Variants in GNAL observed in about 807,000 individuals in gnomAD.
GNAL encodes guanine nucleotide-binding protein G(olf) subunit alpha.
A neutral mutation model predicts 55.1 loss-of-function variants in GNAL; 18 were observed. The ratio of observed to expected loss-of-function variants is 0.33; its 90% CI spans 0.23 to 0.48. The LOEUF is 0.48. Among genes scored for constraint, GNAL ranks in the 20% least tolerant of loss-of-function variants. The pLI is 0.99. For synonymous variants in GNAL, 253 were observed against 237.0 expected, an observed-to-expected ratio of 1.07 and a Z score of -0.62; for missense variants, 412 against 614.1, an observed-to-expected ratio of 0.67 and a Z score of 3.48.
At chr18:11,822,808 CTTTTTTTTTTTCT>C (rs1278401352) in intron 4 of GNAL, among the ~76,000 whole-genome samples, 2 of 139,948 alleles carry the variant, frequency 1.4e-5, no homozygotes, top group South Asian at 2.2e-4. Flanking sequence ...TATTGTTTTT[CTTTTTTTTTTTCT>C]TTTTTTTTTT....
In GNAL at chr18:11,752,592, G is replaced by T; in HGVS notation, c.377-261G>T. 1 of 1,585,256 alleles carries T rather than the reference G, an allele frequency of 6.3e-7. No homozygotes were observed. Among genetic ancestry groups the T allele is most frequent in the Non-Finnish European group, 8.5e-7 (1 of 1,169,654 alleles). ...TGCTGCTCCTGGGTAAGGCCGAGGG[G>T]CGCGCGGCGGCTCCCGGCCCCAGCG... On this transcript the variant is annotated intron_variant, in intron 1 of 11. Coordinates refer to ENST00000334049, the MANE Select transcript of GNAL (RefSeq NM_182978.4). The surrounding 1 kb of genome is among the most constrained non-coding windows in gnomAD (Gnocchi z 4.5).
At chr18:11,715,186 G>A (rs1300076554) in intron 1 of GNAL, among the ~76,000 whole-genome samples, 10 of 151,410 alleles carry the variant, frequency 6.6e-5, no homozygotes, top group South Asian at 2.1e-4. Context: ...AAGGCCGGGC[G>A]CGGTGGCTCA....
At chr18:11,693,083 A>G (rs1052813449) in intron 1 of GNAL, among the ~76,000 whole-genome samples, 20 of 152,188 alleles carry the variant, frequency 1.3e-4, no homozygotes, top group Admixed American at 2.0e-4. Flanking sequence ...AAATAAGACA[A>G]ATAGGATCAG....
At chr18:11,822,037 C>T (rs920372858) in intron 4 of GNAL, among the ~76,000 whole-genome samples, 3 of 152,242 alleles carry the variant, frequency 2.0e-5, no homozygotes, top group African/African-American at 7.2e-5. Flanking sequence ...TCAGTTTCTC[C>T]TCCGCCTGCC....
At chr18:11,786,436 CTTTTTT>C (rs66803403) in intron 4 of GNAL, among the ~76,000 whole-genome samples, 24 of 60,676 alleles carry the variant, frequency 4.0e-4, no homozygotes, top group East Asian at 5.4e-4. Context: ...CATACGTTTT[CTTTTTT>C]TTTTTTTTTT....
chr18:11,808,879 TAA>T (rs950026161), intron 4 of GNAL, among the ~76,000 whole-genome samples: 38 of 152,356 alleles, frequency 2.5e-4, no homozygotes, highest in African/African-American at 9.1e-4. Context: ...AACATCATGC[TAA>T]GTCAGAGAAG....
chr18:11,709,455 C>G (rs751099196), intron 1 of GNAL, among the ~76,000 whole-genome samples: 1 of 150,874 alleles, frequency 6.6e-6, no homozygotes, highest in Non-Finnish European at 1.5e-5. Context: ...GGATTTTTTT[C>G]CATTTATTTG....
chr18:11,710,635 C>CT (rs35833228), intron 1 of GNAL, among the ~76,000 whole-genome samples: 46 of 145,000 alleles, frequency 3.2e-4, no homozygotes, highest in Admixed American at 5.5e-4. Flanking sequence ...TTTCTCTCTC[C>CT]TTTTTTTTTT....
At chr18:11,825,093 C>G (rs2035206043) in intron 5 of GNAL, 78 bp downstream of exon 5, 1 of 804,944 alleles carries the variant, frequency 1.2e-6, no homozygotes, top group Non-Finnish European at 2.1e-6. Context: ...CTTCTCAGTA[C>G]TGAAGTTTCT....
chr18:11,839,146 A>C (rs1179158332), intron 5 of GNAL, among the ~76,000 whole-genome samples: 1 of 152,236 alleles, frequency 6.6e-6, no homozygotes, highest in Non-Finnish European at 1.5e-5. Flanking sequence ...TGCCTGGCAT[A>C]TAATAGGTGT....
chr18:11,706,758 C>T (rs749089888), intron 1 of GNAL, among the ~76,000 whole-genome samples: 9 of 152,196 alleles, frequency 5.9e-5, no homozygotes, highest in Non-Finnish European at 1.0e-4. Flanking sequence ...ACTCCTCACC[C>T]ATTAACATTG....
Position 11,884,828 on chromosome 18 carries a change from A to T in GNAL, c.*3693A>T. On this transcript the variant is annotated 3_prime_UTR_variant, in exon 12 of 12. Coordinates refer to ENST00000334049, the MANE Select transcript of GNAL (RefSeq NM_182978.4). ...CGACCAGCCCAGGCTCCAGCAGGAG[A>T]GACAAGTAAGGCCCAAGTGTGCCTG... 7.2e-7 allele frequency: 1 copy of T among 1,396,830 alleles called. No individual in the cohort carries two copies. Among genetic ancestry groups the T allele is most frequent in the Non-Finnish European group, 9.3e-7 (1 of 1,073,636 alleles). The allele number at this position is 1,396,830 out of a possible 1,614,324, so 86.5% of individuals were successfully genotyped here.
intron 1 of GNAL, among the ~76,000 whole-genome samples, chr18:11,735,595 A>G (rs949370589): frequency 1.3e-5 from 2 of 151,872 alleles, no homozygotes; most frequent in Admixed American, 6.6e-5. Context: ...TACTAAAACT[A>G]TAAAAAGTTG....
At position 11,752,099 on chromosome 18, in the gene GNAL, G is replaced by C. The variant is rs1204977949; in HGVS notation, c.377-754G>C. ...GGACGTGGGGCGAACCCGGGGCGCT[G>C]CGCCACCTCGGCTGTCTCCAGCGGA... On this transcript the variant is annotated intron_variant, in intron 1 of 11. Coordinates refer to ENST00000334049, the MANE Select transcript of GNAL (RefSeq NM_182978.4). The surrounding 1 kb of genome is among the most constrained non-coding windows in gnomAD (Gnocchi z 4.5). The C allele has an allele frequency of 5.2e-5, 9 of 173,416 alleles. No individual in the cohort carries two copies. In the East Asian group the frequency reaches 1.3e-3, roughly 24 times the overall value. The allele number at this position is 173,416 out of a possible 1,614,324, so 10.7% of individuals were successfully genotyped here.
At chr18:11,699,039 C>A (rs932757276) in intron 1 of GNAL, among the ~76,000 whole-genome samples, 2 of 152,086 alleles carry the variant, frequency 1.3e-5, no homozygotes, top group Admixed American at 1.3e-4. Context: ...TCCAAGGGCC[C>A]AAAATCACTT....
intron 1 of GNAL, among the ~76,000 whole-genome samples, chr18:11,704,081 C>T (rs1028712505): frequency 6.6e-6 from 1 of 152,170 alleles, no homozygotes; most frequent in African/African-American, 2.4e-5. Context: ...CTAGAGTAAT[C>T]TCAAAATCCT....
At chr18:11,806,425 T>C (rs142170392) in intron 4 of GNAL, among the ~76,000 whole-genome samples, 451 of 152,348 alleles carry the variant, frequency 3.0e-3, no homozygotes, top group African/African-American at 9.9e-3. Context: ...CCTAGACCAA[T>C]GTCCAGAAGA....
At chr18:11,847,802 C>T (rs1317767782) in intron 5 of GNAL, among the ~76,000 whole-genome samples, 1 of 152,056 alleles carries the variant, frequency 6.6e-6, no homozygotes, top group African/African-American at 2.4e-5. Context: ...AGGACCAAAA[C>T]CTCCTTTAAT....
chr18:11,796,332 CTT>C (rs376215799), intron 4 of GNAL, among the ~76,000 whole-genome samples: 171 of 152,164 alleles, frequency 1.1e-3, no homozygotes, highest in African/African-American at 4.0e-3. Context: ...AATCCCAGCA[CTT>C]TGGGAGGCTG....
Sources: gnomAD v4.1 joint callset for allele counts (sites outside exome capture counted in the v4.1 genomes callset) on GRCh38, gnomAD v4.1.1 for gene constraint, Gnocchi (gnomAD v3.1) non-coding constraint, MANE v1.5 for transcripts, NCBI Gene and HGNC (gene_info 2026-07-23, HGNC 2026-07-21) for gene names.